FOXN2: variants seen among roughly 807,000 people sequenced by gnomAD.
FOXN2 encodes the protein forkhead box N2.
In FOXN2, 19 loss-of-function variants were observed where a neutral mutation model predicts 41.2. The ratio of observed to expected loss-of-function variants is 0.46; its 90% CI spans 0.32 to 0.68. FOXN2 has a LOEUF of 0.68. FOXN2 is among the 30% of genes least tolerant of loss of function. The pLI, the probability that FOXN2 is intolerant of heterozygous loss-of-function variation, is 0.03. For missense variants in FOXN2, 587 were observed against 509.4 expected (o/e 1.15, Z -1.47); for synonymous variants, 195 against 176.8 (o/e 1.10, Z -0.82).
intron 1 of FOXN2, among the ~76,000 whole-genome samples, chr2:48,319,559 C>A (rs1289511682): frequency 6.6e-6 from 1 of 150,750 alleles, no homozygotes; most frequent in Non-Finnish European, 1.5e-5. Context: ...TAAAATATGT[C>A]ATTAATACAC....
intron 1 of FOXN2, among the ~76,000 whole-genome samples, chr2:48,321,302 A>G (rs1374141655): frequency 1.3e-5 from 2 of 152,110 alleles, no homozygotes; most frequent in East Asian, 3.9e-4. Context: ...TTGGGAGGCC[A>G]GGGTGGGCGG....
chr2:48,378,642 C>T lies in FOXN2; in HGVS notation c.*3199C>T, dbSNP rs1483249279. 3 of 151,574 alleles carry T rather than the reference C, an allele frequency of 2.0e-5. No individual in the cohort carries two copies. Among genetic ancestry groups the T allele is most frequent in the African/African-American group, 7.3e-5 (3 of 41,194 alleles). 9.4% of individuals were successfully genotyped at this position (151,574 alleles called of 1,614,324 possible). The stretch of plus-strand genomic sequence containing the variant: ...AAGATCACAGCATTTATCTAAGAAA[C>T]TGTGAGGCTTTCTGGTTTACATATA... On this transcript the variant is annotated 3_prime_UTR_variant, in exon 7 of 7. Transcript: ENST00000340553.
intron 4 of FOXN2, among the ~76,000 whole-genome samples, chr2:48,360,547 C>G (rs17037291): frequency 0.22 from 33,593 of 151,892 alleles, 4,036 homozygotes; most frequent in African/African-American, 0.27. Context: ...TATTCACTCA[C>G]TGAGATTTTA....
At chr2:48,318,555 G>A (rs1465470583) in intron 1 of FOXN2, among the ~76,000 whole-genome samples, 2 of 152,068 alleles carry the variant, frequency 1.3e-5, no homozygotes, top group African/African-American at 2.4e-5. Context: ...CCACTTTCCT[G>A]CCTCCTTCCG....
intron 1 of FOXN2, among the ~76,000 whole-genome samples, chr2:48,317,356 G>A (rs535145388): frequency 6.6e-6 from 1 of 152,030 alleles, no homozygotes; most frequent in Admixed American, 6.6e-5. Context: ...GGCTGAGGCA[G>A]GAGAATCGCT....
chr2:48,333,625 A>G (rs1016658243), intron 2 of FOXN2, among the ~76,000 whole-genome samples: 40 of 152,346 alleles, frequency 2.6e-4, no homozygotes, highest in South Asian at 4.1e-4. Flanking sequence ...GTGATATTAT[A>G]TGAAATTCTA....
At chr2:48,318,098 A>G (rs1166459108) in intron 1 of FOXN2, among the ~76,000 whole-genome samples, 6 of 152,270 alleles carry the variant, frequency 3.9e-5, no homozygotes, top group Non-Finnish European at 7.4e-5. Flanking sequence ...ATAGTTTTAT[A>G]GTTACAGAAA....
intron 4 of FOXN2, 128 bp downstream of exon 4, chr2:48,359,275 G>A: frequency 2.1e-6 from 1 of 476,746 alleles, no homozygotes; most frequent in Non-Finnish European, 3.3e-6. Flanking sequence ...GTTTTATTTA[G>A]TTTTTAGTTT....
intron 1 of FOXN2, among the ~76,000 whole-genome samples, chr2:48,317,132 G>A (rs1668970582): frequency 6.6e-6 from 1 of 152,124 alleles, no homozygotes; most frequent in South Asian, 2.1e-4. Context: ...TTCAAGTCCA[G>A]CCTGGGCAGT....
chr2:48,343,572 A>G (rs1670906476), intron 2 of FOXN2, among the ~76,000 whole-genome samples: 1 of 152,148 alleles, frequency 6.6e-6, no homozygotes, highest in Non-Finnish European at 1.5e-5. Context: ...CAGCCTGGGC[A>G]ACCATAGCAA....
At chr2:48,356,074 A>T (rs1572753060) in intron 3 of FOXN2, among the ~76,000 whole-genome samples, 1 of 152,182 alleles carries the variant, frequency 6.6e-6, no homozygotes, top group South Asian at 2.1e-4. Context: ...CAGTGAGCCA[A>T]GATCGTGCCA....
At chr2:48,336,408 C>CG (rs1670355612) in intron 2 of FOXN2, among the ~76,000 whole-genome samples, 1 of 118,036 alleles carries the variant, frequency 8.5e-6, no homozygotes, top group Non-Finnish European at 1.8e-5. Flanking sequence ...CCTCAGTTTC[C>CG]AAAAAAAAAA....
intron 2 of FOXN2, among the ~76,000 whole-genome samples, chr2:48,335,054 A>C (rs897266948): frequency 6.6e-6 from 1 of 152,210 alleles, no homozygotes; most frequent in Non-Finnish European, 1.5e-5. Flanking sequence ...AAGAATTCCC[A>C]TTGGTAAAGT....
At chr2:48,349,482 T>G (rs1265668347) in intron 3 of FOXN2, among the ~76,000 whole-genome samples, 2 of 151,280 alleles carry the variant, frequency 1.3e-5, no homozygotes, top group African/African-American at 4.9e-5. Flanking sequence ...TGTCTCAAAA[T>G]AAAAAAATAA....
rs149960501 is a variant in FOXN2, at chr2:48,377,564, T to C, written c.*2121T>C. 6.6e-6 allele frequency: 1 copy of C among 152,138 alleles called. No individual in the cohort carries two copies. Among genetic ancestry groups the C allele is most frequent in the East Asian group, 1.9e-4 (1 of 5,192 alleles). 9.4% of individuals were successfully genotyped at this position (152,138 alleles called of 1,614,324 possible). On this transcript the variant is annotated 3_prime_UTR_variant, in exon 7 of 7. Coordinates refer to ENST00000340553, the MANE Select transcript of FOXN2 (RefSeq NM_002158.4). ...TCTAATAGGGATCTTCAAAGTTATT[T>C]TGTCTTGATGTATGTAACAGTAATT... is the stretch of plus-strand genomic sequence containing the variant.
intron 3 of FOXN2, among the ~76,000 whole-genome samples, chr2:48,348,041 T>C (rs1671227821): frequency 6.6e-6 from 1 of 152,190 alleles, no homozygotes; most frequent in Non-Finnish European, 1.5e-5. Context: ...AGATGTGTTA[T>C]TCTTTATTTT....
In FOXN2 at chr2:48,377,944, A is replaced by G. The variant is rs1372342315; in HGVS notation, c.*2501A>G. The G allele has an allele frequency of 1.3e-5, 2 of 152,062 alleles. No homozygotes were observed. Among genetic ancestry groups the G allele is most frequent in the Admixed American group, 6.6e-5 (1 of 15,264 alleles). 9.4% of individuals were successfully genotyped at this position (152,062 alleles called of 1,614,324 possible). A position where few individuals can be genotyped will look rare whatever the true frequency, so the allele number is the denominator to read the frequency against. On this transcript the variant is annotated 3_prime_UTR_variant, in exon 7 of 7. Coordinates refer to ENST00000340553, the MANE Select transcript of FOXN2 (RefSeq NM_002158.4). ...CTATGGCCTGGAAATTGTATTCCCT[A>G]TAATATACAAATTTTCCTGTAATAA... is the stretch of plus-strand genomic sequence containing the variant.
intron 2 of FOXN2, among the ~76,000 whole-genome samples, chr2:48,333,964 G>A (rs1670179234): frequency 6.6e-6 from 1 of 151,984 alleles, no homozygotes; most frequent in Non-Finnish European, 1.5e-5. Flanking sequence ...TGGCCCTAAG[G>A]TTTTTAGATA....
intron 1 of FOXN2, among the ~76,000 whole-genome samples, chr2:48,317,791 A>G (rs894762879): frequency 5.3e-5 from 8 of 151,502 alleles, no homozygotes; most frequent in Admixed American, 5.3e-4. Context: ...TATTTTTAGT[A>G]GAGACGGAGT....
Sources: gnomAD v4.1 joint callset for allele counts (sites outside exome capture counted in the v4.1 genomes callset) on GRCh38, gnomAD v4.1.1 for gene constraint, MANE v1.5 for transcripts, NCBI Gene and HGNC (gene_info 2026-07-23, HGNC 2026-07-21) for gene names.